The following VSIG10L2 variants were observed in gnomAD, a reference collection of about 807,000 sequenced individuals.
VSIG10L2 encodes V-set and immunoglobulin domain-containing protein 10-like 2.
In VSIG10L2, 56 loss-of-function variants were observed where a neutral mutation model predicts 67.1. The ratio of observed to expected loss-of-function variants is 0.83; its 90% CI spans 0.67 to 1.04. The LOEUF (loss-of-function observed/expected upper bound fraction) is 1.04, where lower values mean the gene tolerates loss of function less well. Ranked by LOEUF, VSIG10L2 falls within the 50% of genes least tolerant of loss-of-function variation. The probability of loss-of-function intolerance (pLI) is 0.00; values close to 1 mark genes in which losing one functional copy is unlikely to be tolerated. For missense variants in VSIG10L2, 843 were observed against 932.8 expected, an observed-to-expected ratio of 0.90 and a Z score of 1.25; for synonymous variants, 360 against 396.6, an observed-to-expected ratio of 0.91 and a Z score of 1.10.
chr11:125,952,189 G>A lies in VSIG10L2; in HGVS notation c.1495+116G>A, dbSNP rs748565967. On this transcript the variant is annotated intron_variant, in intron 6 of 11. Coordinates refer to ENST00000686984, the MANE Select transcript of VSIG10L2 (RefSeq NM_001365077.2). The stretch of plus-strand genomic sequence containing the variant: ...GCTGGCATGGAAAGTGAGTCAGTGC[G>A]GACGGGGAAGCTAGGAGGTAGTTAG... 32 of 1,342,890 alleles carry A rather than the reference G, an allele frequency of 2.4e-5. No homozygotes were observed. In the South Asian group the frequency reaches 2.7e-4, roughly 11 times the overall value. 83.2% of individuals were successfully genotyped at this position (1,342,890 alleles called of 1,614,324 possible).
At chr11:125,947,562 C>T in intron 1 of VSIG10L2, 124 bp from the exon 2 acceptor site, 1 of 1,230,892 alleles carries the variant, frequency 8.1e-7, no homozygotes, top group Non-Finnish European at 1.0e-6. Flanking sequence ...TTTATGTGGT[C>T]TTCCTGAACC....
At position 125,947,886 on chromosome 11, in the gene VSIG10L2, T is replaced by C; in HGVS notation, c.283T>C (p.Ser95Pro). 1 of 1,232,312 alleles carries C rather than the reference T, an allele frequency of 8.1e-7. No individual in the cohort carries two copies. Among genetic ancestry groups the C allele is most frequent in the Non-Finnish European group, 1.0e-6 (1 of 988,080 alleles). The allele number at this position is 1,232,312 out of a possible 1,614,324, so 76.3% of individuals were successfully genotyped here. ...GAMSKVEAIA[S>P]ALGVVSLRNS... ...CATGTCCAAGGTGGAGGCCATCGCC[T>C]CGGCTCTGGGAGTCGTGAGTCTGAG... The change falls in exon 2 of 12, where the codon TCG (serine) becomes CCG (proline). Residue 95 changes from serine to proline, a missense_variant. Coordinates refer to ENST00000686984, the MANE Select transcript of VSIG10L2 (RefSeq NM_001365077.2).
At chr11:125,947,540 T>C (rs1256434002) in intron 1 of VSIG10L2, 146 bp from the exon 2 acceptor site, 12 of 1,230,532 alleles carry the variant, frequency 9.8e-6, no homozygotes, top group Non-Finnish European at 1.2e-5. Context: ...GCCCACCAAC[T>C]CCAGAAGTGC....
chr11:125,955,042 G>GCTCTCCCCTCCTAGCGGACC lies in VSIG10L2; in HGVS notation c.2084-13_2090dup. 1 of 1,234,586 alleles carries GCTCTCCCCTCCTAGCGGACC rather than the reference G, an allele frequency of 8.1e-7. No homozygotes were observed. The highest frequency in any genetic ancestry group is 1.0e-6 in the Non-Finnish European group (1 of 989,886). The allele number at this position is 1,234,586 out of a possible 1,614,324, so 76.5% of individuals were successfully genotyped here. On this transcript the variant is annotated splice_polypyrimidine_tract_variant and intron_variant, in intron 8 of 11. Transcript: ENST00000686984. ...AGTGGCTCTAAACCATGGAACCTGT[G>GCTCTCCCCTCCTAGCGGACC]CTCTCCCCTCCTAGCGGACCCCCCC...
rs1200138842 is a variant in VSIG10L2, at chr11:125,951,076, C to G, written c.1152C>G (p.Ala384=). ...PSNVTWSHAA[A]QLPSGSVFTC... ...ACGTCACCTGGAGTCACGCAGCCGC[C>G]CAGCTCCCCAGTGGCAGCGTCTTCA... Residue 384 remains alanine, a synonymous_variant, in exon 5 of 12, where the codon GCC becomes GCG. Transcript: ENST00000686984. The G allele has an allele frequency of 8.1e-7, 1 of 1,232,712 alleles. No homozygotes were observed. Among genetic ancestry groups the G allele is most frequent in the African/African-American group, 1.5e-5 (1 of 64,546 alleles). The allele number at this position is 1,232,712 out of a possible 1,614,324, so 76.4% of individuals were successfully genotyped here. A position where few individuals can be genotyped will look rare whatever the true frequency, so the allele number is the denominator to read the frequency against.
Position 125,948,390 on chromosome 11 carries a change from G to A in VSIG10L2, c.519G>A (p.Glu173=). 3 of 1,232,416 alleles carry A rather than the reference G, an allele frequency of 2.4e-6. No individual in the cohort carries two copies. Among genetic ancestry groups the A allele is most frequent in the Non-Finnish European group, 3.0e-6 (3 of 988,162 alleles). The allele number at this position is 1,232,416 out of a possible 1,614,324, so 76.3% of individuals were successfully genotyped here. A position where few individuals can be genotyped will look rare whatever the true frequency, so the allele number is the denominator to read the frequency against. The change falls in exon 3 of 12, where the codon GAG becomes GAA. Residue 173 remains glutamate (E), a synonymous_variant. Coordinates refer to ENST00000686984, the MANE Select transcript of VSIG10L2 (RefSeq NM_001365077.2). ...ASVVATCAVR[E]GTEPVTFAWQ... ...TGGTGGCCACGTGTGCAGTGCGGGA[G>A]GGCACAGAGCCCGTGACCTTTGCCT...
chr11:125,947,151 T>G (rs987986751), intron 1 of VSIG10L2, among the ~76,000 whole-genome samples: 2 of 152,050 alleles, frequency 1.3e-5, no homozygotes, highest in East Asian at 3.9e-4. Context: ...CTCTTTCCCT[T>G]GCTGCAATCA....
chr11:125,948,112 TTG>T, intron 2 of VSIG10L2, 76 bp downstream of exon 2: 7 of 1,232,034 alleles, frequency 5.7e-6, no homozygotes, highest in Non-Finnish European at 7.1e-6. Context: ...CCCATTCCCT[TTG>T]TGTGTGTGCG....
chr11:125,950,068 G>A lies in VSIG10L2; in HGVS notation c.764G>A (p.Gly255Asp). ...GAGCCGCTGGGACTCACTGAGGAGG[G>A]CTTCTGGGCCAGTGAGAGGGAAGAG... ...TMEPLGLTEE[G>D]FWASEREEVT... Residue 255 changes from glycine (G) to aspartate (D), a missense_variant, in exon 4 of 12, where the codon GGC (glycine) becomes GAC (aspartate). Gly to Asp is a moderately conservative substitution (Grantham distance 94, BLOSUM62 -1). Around this residue, in one of 2 missense-constraint regions of VSIG10L2, gnomAD observed 446 missense variants for 548.4 expected, o/e 0.81. Transcript: ENST00000686984. 2 of 1,232,368 alleles carry A rather than the reference G, an allele frequency of 1.6e-6. No homozygotes were observed. The highest frequency in any genetic ancestry group is 2.0e-6 in the Non-Finnish European group (2 of 988,180). 76.3% of individuals were successfully genotyped at this position (1,232,368 alleles called of 1,614,324 possible).
At chr11:125,952,169 C>T in intron 6 of VSIG10L2, 96 bp downstream of exon 6, 1 of 1,420,436 alleles carries the variant, frequency 7.0e-7, no homozygotes, top group South Asian at 1.5e-5. Flanking sequence ...GCTGTGCTGG[C>T]ATGGAAAGTG....
intron 2 of VSIG10L2, 89 bp from the exon 3 acceptor site, chr11:125,948,216 C>T (rs1366779242): frequency 1.6e-6 from 2 of 1,231,724 alleles, no homozygotes; most frequent in Non-Finnish European, 2.0e-6. Context: ...GCTGGTGAGT[C>T]CCCAGCCAGC....
chr11:125,952,389 A>G (rs1945389715), intron 6 of VSIG10L2, among the ~76,000 whole-genome samples: 1 of 152,260 alleles, frequency 6.6e-6, no homozygotes, highest in African/African-American at 2.4e-5. Context: ...AACTCAATAT[A>G]TCCAGTATAT....
rs573481247 is a variant in VSIG10L2, at chr11:125,955,074, G to A, written c.2101G>A (p.Ala701Thr). The A allele has an allele frequency of 1.2e-5, 15 of 1,235,286 alleles. No homozygotes were observed. Among genetic ancestry groups the A allele is most frequent in the South Asian group, 8.2e-5 (2 of 24,448 alleles). The allele number at this position is 1,235,286 out of a possible 1,614,324, so 76.5% of individuals were successfully genotyped here. A position where few individuals can be genotyped will look rare whatever the true frequency, so the allele number is the denominator to read the frequency against. ...CCTCCTAGCGGACCCCCCCTTCAGC[G>A]CCTACCCAGCGGTGTTGGGTGCAGC... ...VKIPADPPFS[A>T]YPAVLGAAGT... is the part of the protein sequence containing the mutation. The change falls in exon 9 of 12, where the codon GCC (alanine) becomes ACC (threonine). Residue 701 changes from alanine (A) to threonine (T), a missense_variant. Physicochemically the swap from Ala to Thr is moderately conservative, Grantham distance 58. This residue lies in a region of VSIG10L2 where 397 missense variants were observed against 384.4 expected (regional missense o/e 1.03). Coordinates refer to ENST00000686984, the MANE Select transcript of VSIG10L2 (RefSeq NM_001365077.2).
chr11:125,953,955 C>G (rs557283575), intron 7 of VSIG10L2, 132 bp from the exon 8 acceptor site: 2 of 796,778 alleles, frequency 2.5e-6, no homozygotes, highest in South Asian at 6.8e-5. Flanking sequence ...CAGGGCTTCT[C>G]AGGTCCACAG....
At position 125,951,018 on chromosome 11, in the gene VSIG10L2, G is replaced by C. The variant is rs2134304359; in HGVS notation, c.1094G>C (p.Gly365Ala). 8.1e-7 allele frequency: 1 copy of C among 1,232,436 alleles called. No individual in the cohort carries two copies. The highest frequency in any genetic ancestry group is 4.2e-5 in the Admixed American group (1 of 23,716). 76.3% of individuals were successfully genotyped at this position (1,232,436 alleles called of 1,614,324 possible). The change falls in exon 5 of 12, where the codon GGG (glycine) becomes GCG (alanine). Residue 365 changes from glycine to alanine, a missense_variant. Gly to Ala is a moderately conservative substitution (Grantham distance 60). Coordinates refer to ENST00000686984, the MANE Select transcript of VSIG10L2 (RefSeq NM_001365077.2). ...CCGCCTGCCCAACTGCAGTGGGAAG[G>C]GCCTCAGGGACCTGGCCCTACTGCC... is the stretch of plus-strand genomic sequence containing the variant. ...GLPPAQLQWE[G>A]PQGPGPTAPS...
rs981359672 is a variant in VSIG10L2, at chr11:125,948,507, AGGGT to A, written c.639_642del (p.Trp214ThrfsTer9). 3.2e-6 allele frequency: 4 copies of A among 1,232,114 alleles called. No individual in the cohort carries two copies. The highest frequency in any genetic ancestry group is 3.0e-6 in the Non-Finnish European group (3 of 988,014). 76.3% of individuals were successfully genotyped at this position (1,232,114 alleles called of 1,614,324 possible). ...TGGACCCTGTCAACCGGACACACCT[AGGGT>A]GGTACATGTGCAGCGCCAGCAACTC... On this transcript the variant is annotated frameshift_variant, in exon 3 of 12. Transcript: ENST00000686984. LOFTEE classifies it high-confidence loss of function.
rs1945308526 is a variant in VSIG10L2 at position 125,946,877 on chromosome 11, G to A, written c.82+740G>A. On this transcript the variant is annotated intron_variant, in intron 1 of 11. Coordinates refer to ENST00000686984, the MANE Select transcript of VSIG10L2 (RefSeq NM_001365077.2). The surrounding 1 kb of genome is among the most constrained non-coding windows in gnomAD (Gnocchi z 4.4). The stretch of plus-strand genomic sequence containing the variant: ...TCATGCAAATTTGCTGAGGTCCTCA[G>A]CACTTCATGGCATGAGGCCCACCCT... 6.6e-6 allele frequency among the ~76,000 whole-genome samples: 1 copy of A among 152,204 alleles called. No individual in the cohort carries two copies. Among genetic ancestry groups the A allele is most frequent in the African/African-American group, 2.4e-5 (1 of 41,466 alleles).
intron 1 of VSIG10L2, 60 bp from the exon 2 acceptor site, chr11:125,947,626 A>T: frequency 8.1e-7 from 1 of 1,232,032 alleles, no homozygotes; most frequent in Non-Finnish European, 1.0e-6. Context: ...CAGGCAAGGC[A>T]GGGAGTGCAG....
intron 1 of VSIG10L2, chr11:125,947,377 T>A: frequency 1.0e-6 from 1 of 977,434 alleles, no homozygotes. Flanking sequence ...GACTTGATAG[T>A]CTGGGGTGAC....
Sources: allele counts gnomAD v4.1 joint callset (sites outside exome capture counted in the v4.1 genomes callset), GRCh38; gene constraint gnomAD v4.1.1; regional missense constraint gnomAD v4.1.1; non-coding constraint Gnocchi (gnomAD v3.1); transcripts MANE v1.5; gene names NCBI Gene and HGNC (gene_info 2026-07-23, HGNC 2026-07-21).